PRRG1: variants seen among roughly 807,000 people sequenced by gnomAD.
The protein encoded by PRRG1 is transmembrane gamma-carboxyglutamic acid protein 1.
A neutral mutation model predicts 11.8 loss-of-function variants in PRRG1; 5 were observed. That is an observed-to-expected ratio of 0.42 (90% confidence interval 0.22 to 0.89). The LOEUF (loss-of-function observed/expected upper bound fraction) is 0.89, where lower values mean the gene tolerates loss of function less well. PRRG1 is among the 40% of genes least tolerant of loss of function. The pLI, the probability that PRRG1 is intolerant of heterozygous loss-of-function variation, is 0.28. For synonymous variants in PRRG1, 66 were observed against 60.4 expected (o/e 1.09, Z -0.43); for missense variants, 155 against 166.1 (o/e 0.93, Z 0.37).
At chrX:37,377,213 A>G (rs1456629858) in intron 1 of PRRG1, among the ~76,000 whole-genome samples, 3 of 112,272 alleles carry the variant, frequency 2.7e-5, no homozygotes, top group African/African-American at 9.7e-5. Flanking sequence ...AGCTATTTAA[A>G]TGAATTGTTT....
At chrX:37,355,461 A>C (rs1930207681) in intron 1 of PRRG1, among the ~76,000 whole-genome samples, 1 of 111,970 alleles carries the variant, frequency 8.9e-6, no homozygotes, top group African/African-American at 3.3e-5. Flanking sequence ...AGGAGAATAG[A>C]AGAAAAAGAC....
intron 1 of PRRG1, among the ~76,000 whole-genome samples, chrX:37,379,873 C>A (rs1479165185): frequency 9.0e-6 from 1 of 111,176 alleles, no homozygotes; most frequent in Non-Finnish European, 1.9e-5. Flanking sequence ...TGCAGATAGG[C>A]CAAGTCATGG....
At chrX:37,356,873 C>T (rs1930251662) in intron 1 of PRRG1, among the ~76,000 whole-genome samples, 1 of 111,498 alleles carries the variant, frequency 9.0e-6, no homozygotes, top group Non-Finnish European at 1.9e-5. Flanking sequence ...CACAGTGGTA[C>T]ATTTGTTGCT....
intron 3 of PRRG1, among the ~76,000 whole-genome samples, chrX:37,452,293 A>G (rs1286842754): frequency 1.8e-5 from 2 of 112,136 alleles, no homozygotes; most frequent in Non-Finnish European, 3.8e-5. Context: ...TATAAATGTT[A>G]TCTCACTTAA....
At chrX:37,380,281 T>C (rs1314876542) in intron 1 of PRRG1, among the ~76,000 whole-genome samples, 1 of 111,771 alleles carries the variant, frequency 8.9e-6, no homozygotes, top group Non-Finnish European at 1.9e-5. Context: ...TTGCATGCCT[T>C]TATATTTGTT....
At chrX:37,391,012 G>A (rs73466255) in intron 1 of PRRG1, among the ~76,000 whole-genome samples, 1,481 of 111,684 alleles carry the variant, frequency 0.013, 32 homozygotes, top group African/African-American at 0.045. Context: ...CACCCCCAAG[G>A]GCCTCCTGAG....
At chrX:37,382,688 A>C (rs1244872055) in intron 1 of PRRG1, among the ~76,000 whole-genome samples, 1 of 101,589 alleles carries the variant, frequency 9.8e-6, no homozygotes, top group Non-Finnish European at 1.9e-5. Flanking sequence ...TATGAGCTCA[A>C]CTCATTAAAA....
intron 1 of PRRG1, among the ~76,000 whole-genome samples, chrX:37,365,257 G>A (rs1250757829): frequency 9.0e-6 from 1 of 111,300 alleles, no homozygotes; most frequent in African/African-American, 3.3e-5. Flanking sequence ...TAGGGAGAAG[G>A]GGTGGTTGTC....
chrX:37,354,018 G>T (rs1349533618), intron 1 of PRRG1, among the ~76,000 whole-genome samples: 1 of 112,410 alleles, frequency 8.9e-6, no homozygotes, highest in Non-Finnish European at 1.9e-5. Context: ...TGGATGTATT[G>T]ATATTTCCCA....
intron 2 of PRRG1, among the ~76,000 whole-genome samples, chrX:37,421,242 G>T (rs1276512714): frequency 7.2e-5 from 8 of 111,693 alleles, no homozygotes; most frequent in African/African-American, 2.3e-4. Context: ...TATGCCTTAG[G>T]TTTGAAATAT....
chrX:37,445,426 A>G (rs1041922976), intron 3 of PRRG1, among the ~76,000 whole-genome samples: 8 of 112,225 alleles, frequency 7.1e-5, no homozygotes, highest in African/African-American at 2.6e-4. Flanking sequence ...CTCCCAGGTG[A>G]TGAGTGTGCA....
intron 2 of PRRG1, among the ~76,000 whole-genome samples, chrX:37,410,451 A>G (rs1180065059): frequency 2.7e-5 from 3 of 112,015 alleles, no homozygotes; most frequent in South Asian, 3.7e-4. Flanking sequence ...GTGTAAGTCA[A>G]TTAAAAACTT....
chrX:37,391,255 T>C, intron 1 of PRRG1, among the ~76,000 whole-genome samples: 1 of 111,538 alleles, frequency 9.0e-6, no homozygotes, highest in Non-Finnish European at 1.9e-5. Flanking sequence ...TTTTCCCGAG[T>C]ACCTTAAAAG....
chrX:37,378,601 C>T (rs917540444), intron 1 of PRRG1, among the ~76,000 whole-genome samples: 1 of 111,257 alleles, frequency 9.0e-6, no homozygotes, highest in African/African-American at 3.3e-5. Context: ...CTGATTGTCT[C>T]CAGAGGTTTT....
chrX:37,351,453 C>G (rs1452214129), intron 1 of PRRG1, among the ~76,000 whole-genome samples: 7 of 107,530 alleles, frequency 6.5e-5, no homozygotes, highest in Non-Finnish European at 1.3e-4. Flanking sequence ...TGAGATCGCG[C>G]CACTGCACTC....
intron 2 of PRRG1, among the ~76,000 whole-genome samples, chrX:37,419,830 A>T (rs1434575255): frequency 8.9e-6 from 1 of 111,845 alleles, no homozygotes; most frequent in Non-Finnish European, 1.9e-5. Flanking sequence ...AAGCTACTAC[A>T]GTGTGCCTCC....
chrX:37,444,142 G>A (rs2146632299), intron 3 of PRRG1, among the ~76,000 whole-genome samples: 1 of 111,558 alleles, frequency 9.0e-6, no homozygotes, highest in Admixed American at 9.5e-5. Context: ...GTTTCCAGAA[G>A]GTATTCTTGC....
chrX:37,381,394 A>C (rs1404926340), intron 1 of PRRG1, among the ~76,000 whole-genome samples: 1 of 112,247 alleles, frequency 8.9e-6, no homozygotes, highest in Non-Finnish European at 1.9e-5. Flanking sequence ...AGGATGTTGA[A>C]GACATCATTC....
chrX:37,371,984 C>G, intron 1 of PRRG1, among the ~76,000 whole-genome samples: 1 of 112,968 alleles, frequency 8.9e-6, no homozygotes, highest in Non-Finnish European at 1.9e-5. Flanking sequence ...AGCAACACCA[C>G]AAGAATCCTG....
Sources: allele counts gnomAD v4.1 joint callset (sites outside exome capture counted in the v4.1 genomes callset), GRCh38; gene constraint gnomAD v4.1.1; transcripts MANE v1.5; gene names NCBI Gene and HGNC (gene_info 2026-07-23, HGNC 2026-07-21).